Variants in ROBO2 observed in about 807,000 individuals in gnomAD.
ROBO2 encodes the protein roundabout guidance receptor 2, also known as roundabout homolog 2.
Under a neutral mutation model 160.8 loss-of-function variants are expected in ROBO2, and 53 were observed. That is an observed-to-expected ratio of 0.33 (90% CI 0.26 to 0.41). ROBO2 has a LOEUF of 0.41. Among genes scored for constraint, ROBO2 ranks in the 10% least tolerant of loss-of-function variants. The pLI is 1.00. For synonymous variants in ROBO2, 664 were observed against 611.7 expected (o/e 1.09, Z -1.26); for missense variants, 1,577 against 1,722.4 (o/e 0.92, Z 1.49).
At chr3:76,497,554 C>T (rs1244591898) in intron 2 of ROBO2, among the ~76,000 whole-genome samples, 1 of 152,154 alleles carries the variant, frequency 6.6e-6, no homozygotes, top group Non-Finnish European at 1.5e-5. Flanking sequence ...TATCTCTTGT[C>T]TTGTGTGACG....
rs2095242130 is a variant in ROBO2, at chr3:77,635,130, ATTAGCCATTGCTTCAT to A, written c.3934+89_3934+104del. 2.1e-6 allele frequency: 3 copies of A among 1,433,366 alleles called. No homozygotes were observed. In the African/African-American group the frequency reaches 4.2e-5, roughly 20 times the overall value. 88.8% of individuals were successfully genotyped at this position (1,433,366 alleles called of 1,614,324 possible). On this transcript the variant is annotated intron_variant, in intron 24 of 25. Coordinates refer to ENST00000461745, the Ensembl canonical transcript of ROBO2. The stretch of plus-strand genomic sequence containing the variant: ...ACTTAGATTAATGTAGTCATGGTAG[ATTAGCCATTGCTTCAT>A]TACATAACAAGACAAAAACCTGGCA...
At chr3:77,011,054 C>CTTCTTTTTTTCT (rs2061871559) in intron 2 of ROBO2, among the ~76,000 whole-genome samples, 1 of 106,746 alleles carries the variant, frequency 9.4e-6, no homozygotes, top group Non-Finnish European at 1.9e-5. Flanking sequence ...TTCTTTCTTT[C>CTTCTTTTTTTCT]TTCTTTCTTT....
intron 5 of ROBO2, among the ~76,000 whole-genome samples, chr3:77,494,830 A>G (rs2086587552): frequency 6.6e-6 from 1 of 152,252 alleles, no homozygotes; most frequent in African/African-American, 2.4e-5. Context: ...TCAACCATTT[A>G]TAATAGTTAC....
At chr3:76,705,554 A>G (rs1055017675) in intron 2 of ROBO2, among the ~76,000 whole-genome samples, 2 of 152,122 alleles carry the variant, frequency 1.3e-5, no homozygotes, top group African/African-American at 4.8e-5. Context: ...TTAGCGAGTG[A>G]TTGAGGACCT....
intron 2 of ROBO2, among the ~76,000 whole-genome samples, chr3:77,395,836 A>G (rs1043185914): frequency 6.6e-6 from 1 of 152,012 alleles, no homozygotes; most frequent in African/African-American, 2.4e-5. Context: ...TACATTTTGC[A>G]TAGCGTCTTG....
At chr3:77,507,451 C>T (rs1174928765) in intron 5 of ROBO2, among the ~76,000 whole-genome samples, 1 of 152,134 alleles carries the variant, frequency 6.6e-6, no homozygotes, top group African/African-American at 2.4e-5. Flanking sequence ...TTGGCTGTCT[C>T]TTATCACAGC....
At chr3:76,679,926 A>AT (rs2092512226) in intron 2 of ROBO2, among the ~76,000 whole-genome samples, 1 of 151,962 alleles carries the variant, frequency 6.6e-6, no homozygotes, top group African/African-American at 2.4e-5. Context: ...CTTTAGTGTT[A>AT]TTTTTCCAGA....
intron 2 of ROBO2, among the ~76,000 whole-genome samples, chr3:76,662,791 T>A (rs558902591): frequency 6.6e-6 from 1 of 152,068 alleles, no homozygotes; most frequent in Non-Finnish European, 1.5e-5. Flanking sequence ...GAAAACAGTA[T>A]GGGCACTGTA....
chr3:77,351,922 G>A (rs932394820), intron 2 of ROBO2, among the ~76,000 whole-genome samples: 2 of 151,104 alleles, frequency 1.3e-5, no homozygotes, highest in Non-Finnish European at 2.9e-5. Context: ...ACAGGAAGGG[G>A]AACATCATAC....
chr3:77,130,011 A>C lies in ROBO2; in HGVS notation c.388+31671A>C, dbSNP rs550160842. 4.6e-5 allele frequency among the ~76,000 whole-genome samples: 7 copies of C among 152,194 alleles called. No homozygotes were observed. In the South Asian group the frequency reaches 1.0e-3, roughly 23 times the overall value. ...AGAGAAGACAACGCTTCAAAACAACAATTTTTTTTTATTATTGCTCAGATC... is the reference window on the plus strand; with the variant it reads ...AGAGAAGACAACGCTTCAAAACAACCATTTTTTTTTATTATTGCTCAGATC... On this transcript the variant is annotated intron_variant, in intron 2 of 25. Coordinates refer to ENST00000461745, the Ensembl canonical transcript of ROBO2.
At chr3:77,091,972 T>C in intron 1 of ROBO2, 1 of 147,404 alleles carries the variant, frequency 6.8e-6, no homozygotes, top group East Asian at 2.0e-4. Context: ...AGAGTGAGTC[T>C]CTGACTCAAA....
chr3:77,312,965 A>G (rs974398046), intron 2 of ROBO2, among the ~76,000 whole-genome samples: 1 of 152,238 alleles, frequency 6.6e-6, no homozygotes, highest in Non-Finnish European at 1.5e-5. Flanking sequence ...TTAATTTCAT[A>G]GCTGACAGTG....
At chr3:76,705,641 T>C (rs267157) in intron 2 of ROBO2, among the ~76,000 whole-genome samples, 37,721 of 152,006 alleles carry the variant, frequency 0.25, 6,290 homozygotes, top group African/African-American at 0.47. Context: ...TAATGAGCTA[T>C]ACAAGCTCTT....
chr3:76,541,418 C>G (rs1031730963), intron 2 of ROBO2, among the ~76,000 whole-genome samples: 1 of 152,124 alleles, frequency 6.6e-6, no homozygotes, highest in Non-Finnish European at 1.5e-5. Context: ...TTCTCAGTAT[C>G]AAATTTCTCA....
intron 2 of ROBO2, among the ~76,000 whole-genome samples, chr3:76,267,900 T>G (rs1707193383): frequency 6.6e-6 from 1 of 152,160 alleles, no homozygotes; most frequent in African/African-American, 2.4e-5. Context: ...ACTACATCTT[T>G]CTGTACCTCA....
intron 1 of ROBO2, among the ~76,000 whole-genome samples, chr3:77,092,510 T>G (rs2070431893): frequency 6.7e-6 from 1 of 149,484 alleles, no homozygotes; most frequent in South Asian, 2.1e-4. Context: ...TCTGAACAAT[T>G]TTTGTTATCT....
intron 2 of ROBO2, among the ~76,000 whole-genome samples, chr3:77,237,411 T>TTGTGTGTGTATGTG (rs1553862750): frequency 8.4e-5 from 11 of 131,120 alleles, no homozygotes; most frequent in African/African-American, 3.1e-4. Flanking sequence ...TTGTTTTGTT[T>TTGTGTGTGTATGTG]TGTGTGTGTG....
chr3:77,340,196 T>C (rs2066916662), intron 2 of ROBO2, among the ~76,000 whole-genome samples: 1 of 152,134 alleles, frequency 6.6e-6, no homozygotes, highest in African/African-American at 2.4e-5. Flanking sequence ...TAAAATCATT[T>C]CTTTGTCATG....
At chr3:75,920,783 T>G (rs1259099680) in intron 1 of ROBO2, among the ~76,000 whole-genome samples, 1 of 152,146 alleles carries the variant, frequency 6.6e-6, no homozygotes. Context: ...TACTACGTAA[T>G]GCCCTTTGTC....
Sources: gnomAD v4.1 joint callset for allele counts (sites outside exome capture counted in the v4.1 genomes callset) on GRCh38, gnomAD v4.1.1 for gene constraint, MANE v1.5 for transcripts, NCBI Gene and HGNC (gene_info 2026-07-23, HGNC 2026-07-21) for gene names.